Variants in ST6GALNAC3 observed in about 807,000 individuals in gnomAD.
ST6GALNAC3 encodes alpha-N-acetylgalactosaminide alpha-2,6-sialyltransferase 3.
In ST6GALNAC3, 25 loss-of-function variants were observed where a neutral mutation model predicts 32.7. That is an observed-to-expected ratio of 0.76 (90% CI 0.56 to 1.07). ST6GALNAC3 has a LOEUF of 1.07. ST6GALNAC3 is among the 50% of genes least tolerant of loss of function. The pLI is 0.00. For synonymous variants in ST6GALNAC3, 129 were observed against 133.1 expected (o/e 0.97, Z 0.21); for missense variants, 355 against 382.4 (o/e 0.93, Z 0.60).
intron 3 of ST6GALNAC3, among the ~76,000 whole-genome samples, chr1:76,611,480 A>T (rs928045380): frequency 3.9e-5 from 6 of 152,168 alleles, no homozygotes; most frequent in African/African-American, 1.4e-4. Flanking sequence ...AACAAGAAAC[A>T]TGTATAGTAG....
chr1:76,150,786 TC>T (rs973528377), intron 1 of ST6GALNAC3, among the ~76,000 whole-genome samples: 8 of 152,228 alleles, frequency 5.3e-5, no homozygotes, highest in African/African-American at 1.9e-4. Context: ...CAGAGATTTC[TC>T]CTGCTGTGAT....
At position 76,164,399 on chromosome 1, in the gene ST6GALNAC3, G is replaced by A. The variant is rs146597335; in HGVS notation, c.18+89515G>A. Reference sequence around the variant, plus strand: ...CTGGGGTGGGGCAGCACCTGGCATAGAGTAGGCTTTTAGTAGATGGTAGCT... The same window carrying A: ...CTGGGGTGGGGCAGCACCTGGCATAAAGTAGGCTTTTAGTAGATGGTAGCT... On this transcript the variant is annotated intron_variant, in intron 1 of 4. Coordinates refer to ENST00000328299, the MANE Select transcript of ST6GALNAC3 (RefSeq NM_152996.4). 1.2e-4 allele frequency among the ~76,000 whole-genome samples: 19 copies of A among 152,324 alleles called. No homozygotes were observed. In the East Asian group the frequency reaches 3.7e-3, roughly 29 times the overall value.
intron 3 of ST6GALNAC3, among the ~76,000 whole-genome samples, chr1:76,564,399 G>C (rs1206147462): frequency 6.6e-6 from 1 of 151,996 alleles, no homozygotes; most frequent in Admixed American, 6.6e-5. Context: ...ACACAAGCTA[G>C]ATCCACCCTT....
At chr1:76,573,637 A>T (rs1338002212) in intron 3 of ST6GALNAC3, among the ~76,000 whole-genome samples, 1 of 149,720 alleles carries the variant, frequency 6.7e-6, no homozygotes, top group Non-Finnish European at 1.5e-5. Context: ...ACATGTAGCC[A>T]AGGTAGTGTC....
At chr1:76,134,587 C>T (rs1045546852) in intron 1 of ST6GALNAC3, among the ~76,000 whole-genome samples, 4 of 152,298 alleles carry the variant, frequency 2.6e-5, no homozygotes, top group South Asian at 2.1e-4. Flanking sequence ...TCCCTTTTCC[C>T]TCATCTTTTC....
At chr1:76,478,382 T>A (rs77914522) in intron 3 of ST6GALNAC3, among the ~76,000 whole-genome samples, 4 of 152,312 alleles carry the variant, frequency 2.6e-5, no homozygotes, top group African/African-American at 9.6e-5. Flanking sequence ...CGCAAACATA[T>A]CCTTTTGTTT....
At chr1:76,548,140 C>T (rs937840443) in intron 3 of ST6GALNAC3, among the ~76,000 whole-genome samples, 7 of 152,140 alleles carry the variant, frequency 4.6e-5, no homozygotes, top group African/African-American at 1.4e-4. Context: ...ACATACTGCT[C>T]CTCCCTCTGC....
At chr1:76,465,978 A>G (rs973982339) in intron 3 of ST6GALNAC3, among the ~76,000 whole-genome samples, 1 of 152,152 alleles carries the variant, frequency 6.6e-6, no homozygotes, top group Non-Finnish European at 1.5e-5. Flanking sequence ...TTAAATAAAC[A>G]TTGAAAAATC....
rs184424705 is a variant in ST6GALNAC3, at chr1:76,448,277, G to T, written c.623+35860G>T. Reference sequence around the variant, plus strand: ...TTTTGGCCAATTTCTCCTTTTGAATGGCTGTATTTACCCATTGCCTGTACC... The same window carrying T: ...TTTTGGCCAATTTCTCCTTTTGAATTGCTGTATTTACCCATTGCCTGTACC... On this transcript the variant is annotated intron_variant, in intron 3 of 4. Transcript: ENST00000328299. Among the ~76,000 whole-genome samples the T allele has an allele frequency of 1.3e-3, 201 of 152,228 alleles. 1 individual carries two copies. The highest frequency in any genetic ancestry group is 2.3e-3 in the Non-Finnish European group (156 of 68,004).
chr1:76,556,376 C>T (rs315054), intron 3 of ST6GALNAC3, among the ~76,000 whole-genome samples: 8,816 of 151,758 alleles, frequency 0.058, 878 homozygotes, highest in African/African-American at 0.2. Flanking sequence ...AAGTTTTTTT[C>T]TTTTTTGGAT....
At chr1:76,142,894 A>C (rs1178325014) in intron 1 of ST6GALNAC3, 12 of 454,910 alleles carry the variant, frequency 2.6e-5, no homozygotes, top group Non-Finnish European at 5.3e-5. Flanking sequence ...GGGTCAATTC[A>C]CATGGAGGAT....
chr1:76,251,799 T>C (rs759452086), intron 1 of ST6GALNAC3, among the ~76,000 whole-genome samples: 35 of 152,116 alleles, frequency 2.3e-4, no homozygotes, highest in Non-Finnish European at 4.3e-4. Flanking sequence ...AAACTCTCTC[T>C]ACACCATACC....
chr1:76,604,563 CCTCTT>C (rs1647401294), intron 3 of ST6GALNAC3, among the ~76,000 whole-genome samples: 1 of 152,124 alleles, frequency 6.6e-6, no homozygotes, highest in African/African-American at 2.4e-5. Flanking sequence ...CATTCCTGTT[CCTCTT>C]CTCTTCTCAA....
chr1:76,322,629 G>C lies in ST6GALNAC3; in HGVS notation c.213+8630G>C, dbSNP rs1230311472. ...CTAAGTAGATGGCATCAAATTGTGAGTTCTTATTTTTCAGAGTAGCCTTAC... is the reference window on the plus strand; with the variant it reads ...CTAAGTAGATGGCATCAAATTGTGACTTCTTATTTTTCAGAGTAGCCTTAC... On this transcript the variant is annotated intron_variant, in intron 2 of 4. Coordinates refer to ENST00000328299, the MANE Select transcript of ST6GALNAC3 (RefSeq NM_152996.4). Among the ~76,000 whole-genome samples the C allele has an allele frequency of 2.0e-5, 3 of 152,118 alleles. 1 individual carries two copies. The highest frequency in any genetic ancestry group is 2.0e-4 in the Admixed American group (3 of 15,270).
chr1:76,446,333 C>T (rs1343866124), intron 3 of ST6GALNAC3, among the ~76,000 whole-genome samples: 1 of 152,008 alleles, frequency 6.6e-6, no homozygotes, highest in African/African-American at 2.4e-5. Context: ...TATGTTGATG[C>T]ATCCTTATCA....
intron 2 of ST6GALNAC3, among the ~76,000 whole-genome samples, chr1:76,325,176 G>GA (rs1357548471): frequency 2.0e-5 from 3 of 152,204 alleles, no homozygotes; most frequent in Non-Finnish European, 4.4e-5. Flanking sequence ...AAGGTGAATT[G>GA]AAAAAATTTG....
At chr1:76,532,335 A>T (rs1484423865) in intron 3 of ST6GALNAC3, among the ~76,000 whole-genome samples, 2 of 152,206 alleles carry the variant, frequency 1.3e-5, no homozygotes, top group Non-Finnish European at 2.9e-5. Flanking sequence ...AAGTGTATTG[A>T]TTGACATTTT....
In ST6GALNAC3 at chr1:76,318,075, A is replaced by T. The variant is rs529028644; in HGVS notation, c.213+4076A>T. On this transcript the variant is annotated intron_variant, in intron 2 of 4. Transcript: ENST00000328299. ...TTATCAATTAATCTGTTTTTTTTAAAAAAAATAATCTGTTCCCAGGGGAAA... is the reference window on the plus strand; with the variant it reads ...TTATCAATTAATCTGTTTTTTTTAATAAAAATAATCTGTTCCCAGGGGAAA... 2.5e-3 allele frequency among the ~76,000 whole-genome samples: 375 copies of T among 150,480 alleles called. 1 individual carries two copies. The highest frequency in any genetic ancestry group is 6.9e-3 in the African/African-American group (280 of 40,528).
chr1:76,457,781 C>G (rs1386160910), intron 3 of ST6GALNAC3, among the ~76,000 whole-genome samples: 37 of 151,910 alleles, frequency 2.4e-4, no homozygotes, highest in African/African-American at 8.7e-4. Context: ...CATAAAAACC[C>G]TAGAAGAAAA....
Sources: gnomAD v4.1 joint callset for allele counts (sites outside exome capture counted in the v4.1 genomes callset) on GRCh38, gnomAD v4.1.1 for gene constraint, MANE v1.5 for transcripts, NCBI Gene and HGNC (gene_info 2026-07-23, HGNC 2026-07-21) for gene names.